Variants in FARS2 observed in about 807,000 individuals in gnomAD.
FARS2 encodes the protein phenylalanyl-tRNA synthetase 2, mitochondrial, also known as phenylalanine--tRNA ligase, mitochondrial.
Under a neutral mutation model 46.4 loss-of-function variants are expected in FARS2, and 40 were observed. The observed-to-expected ratio is 0.86, with a 90% CI of 0.67 to 1.12. The LOEUF is 1.12. FARS2 is among the 50% of genes most tolerant of loss of function. FARS2 has a pLI of 0.00. For synonymous variants in FARS2, 234 were observed against 214.9 expected, an observed-to-expected ratio of 1.09 and a Z score of -0.78; for missense variants, 513 against 567.9, an observed-to-expected ratio of 0.90 and a Z score of 0.98.
intron 3 of FARS2, among the ~76,000 whole-genome samples, chr6:5,424,859 G>T (rs1216372178): frequency 6.6e-6 from 1 of 152,198 alleles, no homozygotes; most frequent in Non-Finnish European, 1.5e-5. Context: ...AAAGGTTGCG[G>T]GTCTTCAACA....
At chr6:5,436,673 T>C (rs1562039988) in intron 4 of FARS2, among the ~76,000 whole-genome samples, 1 of 152,196 alleles carries the variant, frequency 6.6e-6, no homozygotes, top group Non-Finnish European at 1.5e-5. Flanking sequence ...ATAAAGGAGA[T>C]GGTCTTTGAA....
intron 1 of FARS2, among the ~76,000 whole-genome samples, chr6:5,353,105 T>G (rs1411929182): frequency 2.0e-5 from 3 of 152,212 alleles, no homozygotes. Flanking sequence ...TTCTACTCTT[T>G]GCTTCTGTGA....
chr6:5,703,477 C>G (rs1287787775), intron 6 of FARS2, among the ~76,000 whole-genome samples: 2 of 152,196 alleles, frequency 1.3e-5, no homozygotes, highest in African/African-American at 2.4e-5. Context: ...ATTTTTGCAG[C>G]TATCCCATTG....
At chr6:5,428,280 T>C (rs1352513126) in intron 3 of FARS2, among the ~76,000 whole-genome samples, 2 of 152,160 alleles carry the variant, frequency 1.3e-5, no homozygotes, top group African/African-American at 4.8e-5. Context: ...TCTTCCATAT[T>C]TATTTAACCT....
At chr6:5,384,668 A>G (rs1381974408) in intron 2 of FARS2, among the ~76,000 whole-genome samples, 1 of 152,172 alleles carries the variant, frequency 6.6e-6, no homozygotes, top group Admixed American at 6.5e-5. Context: ...GAGTTGGAAA[A>G]TAAAGGTCTG....
chr6:5,714,089 C>T (rs1561816575), intron 6 of FARS2, among the ~76,000 whole-genome samples: 1 of 152,222 alleles, frequency 6.6e-6, no homozygotes, highest in Non-Finnish European at 1.5e-5. Context: ...TGTGTGAGTG[C>T]GCGTGTGTCG....
chr6:5,501,828 G>A (rs937470705), intron 4 of FARS2, among the ~76,000 whole-genome samples: 5 of 152,164 alleles, frequency 3.3e-5, no homozygotes, highest in Admixed American at 2.0e-4. Context: ...GTATCATTAC[G>A]GGTTGCATTA....
rs569357759 is a variant in FARS2 at position 5,372,469 on chromosome 6, T to A, written c.612+3287T>A. On this transcript the variant is annotated intron_variant, in intron 2 of 6. Coordinates refer to ENST00000274680, the MANE Select transcript of FARS2 (RefSeq NM_006567.5). ...TTTCTAAAAATTACTTATGCATTAC[T>A]AATTGACAGTCAAAGTCTAAACAAA... Among the ~76,000 whole-genome samples the A allele has an allele frequency of 5.9e-5, 9 of 152,272 alleles. No homozygotes were observed. In the East Asian group the frequency reaches 1.7e-3, roughly 29 times the overall value.
chr6:5,530,530 T>C (rs1769755307), intron 4 of FARS2, among the ~76,000 whole-genome samples: 2 of 151,928 alleles, frequency 1.3e-5, no homozygotes, highest in Non-Finnish European at 1.5e-5. Context: ...TTGATAACTG[T>C]ACTATGGATA....
chr6:5,390,265 A>G (rs557044281), intron 2 of FARS2, among the ~76,000 whole-genome samples: 1 of 152,324 alleles, frequency 6.6e-6, no homozygotes, highest in Non-Finnish European at 1.5e-5. Flanking sequence ...GCCAGTTTCC[A>G]AGCCCATGCT....
At chr6:5,607,213 G>A (rs1215254498) in intron 5 of FARS2, among the ~76,000 whole-genome samples, 1 of 151,946 alleles carries the variant, frequency 6.6e-6, no homozygotes, top group Non-Finnish European at 1.5e-5. Flanking sequence ...GAAGCTTCCT[G>A]TCTTTTTTAG....
intron 1 of FARS2, among the ~76,000 whole-genome samples, chr6:5,309,739 A>G (rs998358595): frequency 1.4e-5 from 2 of 142,092 alleles, no homozygotes; most frequent in Non-Finnish European, 3.0e-5. Flanking sequence ...AAAGGAAGAC[A>G]ATATTGAAAG....
At chr6:5,307,411 A>G (rs1382625243) in intron 1 of FARS2, among the ~76,000 whole-genome samples, 1 of 152,044 alleles carries the variant, frequency 6.6e-6, no homozygotes, top group Non-Finnish European at 1.5e-5. Flanking sequence ...TCTTTGGGAT[A>G]TTTTTTCAGA....
chr6:5,517,624 A>C (rs1245790378), intron 4 of FARS2, among the ~76,000 whole-genome samples: 1 of 152,040 alleles, frequency 6.6e-6, no homozygotes, highest in East Asian at 1.9e-4. Flanking sequence ...AAAAAAAAAA[A>C]AGTATAGACA....
At chr6:5,547,924 A>G (rs910333329) in intron 5 of FARS2, among the ~76,000 whole-genome samples, 10 of 152,208 alleles carry the variant, frequency 6.6e-5, no homozygotes, top group Admixed American at 6.5e-4. Context: ...TTTCAACTGT[A>G]TTAGTCCATT....
At chr6:5,491,412 T>G (rs1767101500) in intron 4 of FARS2, among the ~76,000 whole-genome samples, 1 of 152,226 alleles carries the variant, frequency 6.6e-6, no homozygotes, top group Non-Finnish European at 1.5e-5. Flanking sequence ...GGTAACTTTC[T>G]AGCAGCATTT....
chr6:5,279,615 G>A (rs371332930), intron 1 of FARS2, among the ~76,000 whole-genome samples: 5 of 150,594 alleles, frequency 3.3e-5, no homozygotes, highest in South Asian at 4.2e-4. Context: ...TAAGGAAGAC[G>A]AGATCTGTAG....
intron 1 of FARS2, among the ~76,000 whole-genome samples, chr6:5,362,238 C>CTTGTTA (rs1472564978): frequency 6.6e-6 from 1 of 152,084 alleles, no homozygotes; most frequent in Non-Finnish European, 1.5e-5. Flanking sequence ...TTATTGAGTA[C>CTTGTTA]CTGTTATATT....
chr6:5,322,853 C>T (rs557371931), intron 1 of FARS2, among the ~76,000 whole-genome samples: 35 of 152,146 alleles, frequency 2.3e-4, no homozygotes, highest in South Asian at 6.2e-4. Context: ...AAATGCTTCC[C>T]GTGATTATTA....
Sources: allele counts gnomAD v4.1 joint callset (sites outside exome capture counted in the v4.1 genomes callset), GRCh38; gene constraint gnomAD v4.1.1; transcripts MANE v1.5; gene names NCBI Gene and HGNC (gene_info 2026-07-23, HGNC 2026-07-21).